Variants in CHLSN observed in about 807,000 individuals in gnomAD.
The protein encoded by CHLSN is protein cholesin.
At chr7:1,061,916 A>G in the CHLSN span, among the ~76,000 whole-genome samples, 2 of 150,974 alleles carry the variant, frequency 1.3e-5, no homozygotes, top group African/African-American at 4.9e-5. Context: ...CAACTCCCCA[A>G]TTCTTCCAAG....
the CHLSN span, among the ~76,000 whole-genome samples, chr7:1,016,146 GCAGCA>G: frequency 1.0e-5 from 1 of 96,290 alleles, no homozygotes; most frequent in Admixed American, 1.1e-4. Flanking sequence ...CCAGCACACA[GCAGCA>G]CACGCCAGCA....
chr7:1,120,421 A>G, the CHLSN span, among the ~76,000 whole-genome samples: 1 of 152,104 alleles, frequency 6.6e-6, no homozygotes, highest in Non-Finnish European at 1.5e-5. Flanking sequence ...CCTCCCTAGC[A>G]GCTGAGATTA....
chr7:1,077,345 T>C, the CHLSN span, among the ~76,000 whole-genome samples: 1 of 152,170 alleles, frequency 6.6e-6, no homozygotes. Flanking sequence ...TTAGCAGAGA[T>C]GGGGTTTCAC....
the CHLSN span, among the ~76,000 whole-genome samples, chr7:1,083,431 T>C: frequency 6.6e-6 from 1 of 151,854 alleles, no homozygotes; most frequent in Non-Finnish European, 1.5e-5. Context: ...GAGACCATCC[T>C]GGCTAACACA....
At chr7:1,089,364 G>A in the CHLSN span, among the ~76,000 whole-genome samples, 1 of 152,134 alleles carries the variant, frequency 6.6e-6, no homozygotes, top group Non-Finnish European at 1.5e-5. Flanking sequence ...TTCCCCACCC[G>A]CCTGTTTTTG....
chr7:997,737 A>C, the CHLSN span: 1 of 1,611,190 alleles, frequency 6.2e-7, no homozygotes, highest in Middle Eastern at 1.7e-4. Flanking sequence ...CTGCACCGTC[A>C]GCTCTCGGGC....
the CHLSN span, among the ~76,000 whole-genome samples, chr7:1,075,561 T>C: frequency 2.7e-5 from 4 of 150,394 alleles, no homozygotes; most frequent in African/African-American, 9.8e-5. Context: ...GAAACAACCG[T>C]TTTAGGGCTC....
At chr7:986,880 A>G in the CHLSN span, 13 of 1,406,352 alleles carry the variant, frequency 9.2e-6, no homozygotes, top group Non-Finnish European at 1.2e-5. Flanking sequence ...GGAGGGGTCC[A>G]TACCGGTCCT....
chr7:988,956 C>T, the CHLSN span: 247 of 620,834 alleles, frequency 4.0e-4, 2 homozygotes, highest in Admixed American at 1.5e-3. Flanking sequence ...CCCCCACCCC[C>T]ACAGGGTCAG....
At chr7:1,103,020 G>A in the CHLSN span, among the ~76,000 whole-genome samples, 4 of 152,338 alleles carry the variant, frequency 2.6e-5, no homozygotes, top group South Asian at 2.1e-4. Context: ...CCCCTTACCC[G>A]TGACACGGAG....
At chr7:1,014,959 C>A in the CHLSN span, among the ~76,000 whole-genome samples, 2 of 152,190 alleles carry the variant, frequency 1.3e-5, no homozygotes, top group Non-Finnish European at 1.5e-5. Context: ...GCAGGCTGTG[C>A]GGTGAGAGCC....
At chr7:1,023,511 T>C in the CHLSN span, among the ~76,000 whole-genome samples, 9 of 151,712 alleles carry the variant, frequency 5.9e-5, no homozygotes, top group African/African-American at 9.7e-5. This position sits in a 1 kb window ranked among gnomAD's most constrained non-coding sequence, Gnocchi z 5.0. Context: ...CGCAGGCTCC[T>C]TCCTAGGAAG....
the CHLSN span, among the ~76,000 whole-genome samples, chr7:1,027,742 GGGTCCT>G: frequency 2.3e-3 from 352 of 152,372 alleles, 3 homozygotes; most frequent in African/African-American, 8.1e-3. Context: ...GCGCCCGACG[GGGTCCT>G]CTACCCCGGC....
the CHLSN span, chr7:984,359 A>AGG: frequency 7.8e-6 from 12 of 1,532,070 alleles, no homozygotes; most frequent in East Asian, 4.9e-5. Flanking sequence ...AGGGGACCTA[A>AGG]GGGGGGTCTT....
At chr7:1,122,750 C>T in the CHLSN span, among the ~76,000 whole-genome samples, 2 of 152,176 alleles carry the variant, frequency 1.3e-5, no homozygotes, top group African/African-American at 4.8e-5. Flanking sequence ...ACTCCTAAAC[C>T]CCAGCTCCCC....
the CHLSN span, among the ~76,000 whole-genome samples, chr7:1,029,582 T>C: frequency 6.6e-6 from 1 of 152,208 alleles, no homozygotes; most frequent in East Asian, 1.9e-4. Flanking sequence ...ATCAATTTTA[T>C]GGTGCGAGGG....
chr7:1,018,430 C>T, the CHLSN span, among the ~76,000 whole-genome samples: 1 of 152,160 alleles, frequency 6.6e-6, no homozygotes, highest in Non-Finnish European at 1.5e-5. Context: ...AGAGCCTGGC[C>T]CCGAGCAGAG....
chr7:1,135,975 A>G, the CHLSN span, among the ~76,000 whole-genome samples: 2 of 127,496 alleles, frequency 1.6e-5, no homozygotes, highest in African/African-American at 6.2e-5. Flanking sequence ...ATAAGTATAT[A>G]TAAATATATA....
At chr7:1,007,797 G>T in the CHLSN span, among the ~76,000 whole-genome samples, 2 of 152,176 alleles carry the variant, frequency 1.3e-5, no homozygotes, top group Admixed American at 1.3e-4. Context: ...CCCAGAGGGG[G>T]AGAGGAGGGT....
Sources: gnomAD v4.1 joint callset for allele counts (sites outside exome capture counted in the v4.1 genomes callset) on GRCh38, gnomAD v4.1.1 for gene constraint, Gnocchi (gnomAD v3.1) non-coding constraint, MANE v1.5 for transcripts, NCBI Gene and HGNC (gene_info 2026-07-23, HGNC 2026-07-21) for gene names.